Variants in MAP2K6 observed in about 807,000 individuals in gnomAD.
MAP2K6 encodes dual specificity mitogen-activated protein kinase kinase 6.
In MAP2K6, 16 loss-of-function variants were observed where a neutral mutation model predicts 53.7. The ratio of observed to expected loss-of-function variants is 0.30; its 90% CI spans 0.20 to 0.45. The LOEUF (loss-of-function observed/expected upper bound fraction) is 0.45. Among genes scored for constraint, MAP2K6 ranks in the 20% least tolerant of loss-of-function variants. The probability of loss-of-function intolerance (pLI) is 1.00; values close to 1 mark genes in which losing one functional copy is unlikely to be tolerated. For missense variants in MAP2K6, 204 were observed against 411.9 expected, an observed-to-expected ratio of 0.50 and a Z score of 4.37; for synonymous variants, 132 against 143.1, an observed-to-expected ratio of 0.92 and a Z score of 0.55.
At chr17:69,531,039 T>C (rs1335571219) in intron 10 of MAP2K6, among the ~76,000 whole-genome samples, 1 of 152,002 alleles carries the variant, frequency 6.6e-6, no homozygotes, top group South Asian at 2.1e-4. Context: ...TATTGAGACA[T>C]AACTTCATTA....
At chr17:69,474,054 T>G (rs916836618) in intron 1 of MAP2K6, among the ~76,000 whole-genome samples, 17 of 152,270 alleles carry the variant, frequency 1.1e-4, no homozygotes, top group African/African-American at 4.1e-4. Context: ...TCAGTTAATT[T>G]TAATTTTAAG....
intron 10 of MAP2K6, among the ~76,000 whole-genome samples, chr17:69,529,864 A>G (rs1271418462): frequency 1.3e-5 from 2 of 152,154 alleles, no homozygotes; most frequent in Non-Finnish European, 2.9e-5. Context: ...AGATACCGGC[A>G]TCATTGCTCT....
At chr17:69,529,545 C>G (rs1910969478) in intron 10 of MAP2K6, among the ~76,000 whole-genome samples, 1 of 121,806 alleles carries the variant, frequency 8.2e-6, no homozygotes, top group Non-Finnish European at 1.6e-5. Flanking sequence ...GAGTTTTGCT[C>G]TGCCACCCAG....
intron 1 of MAP2K6, among the ~76,000 whole-genome samples, chr17:69,467,923 G>A (rs1907867812): frequency 6.6e-6 from 1 of 151,756 alleles, no homozygotes; most frequent in African/African-American, 2.4e-5. Flanking sequence ...GTGCCACCAC[G>A]CCCAGCTAAT....
chr17:69,539,190 G>A (rs1911495663), intron 11 of MAP2K6, among the ~76,000 whole-genome samples: 1 of 152,192 alleles, frequency 6.6e-6, no homozygotes, highest in Non-Finnish European at 1.5e-5. Context: ...AAGGGATGAG[G>A]TGCTGTGCAT....
intron 1 of MAP2K6, among the ~76,000 whole-genome samples, chr17:69,423,751 C>T (rs987974003): frequency 2.6e-5 from 4 of 152,148 alleles, no homozygotes; most frequent in African/African-American, 9.7e-5. Flanking sequence ...TTGTGTTCTT[C>T]CTGTTTGCTT....
At position 69,418,294 on chromosome 17, in the gene MAP2K6, G is replaced by C. The variant is rs552710008; in HGVS notation, c.16+3294G>C. Among the ~76,000 whole-genome samples the C allele has an allele frequency of 3.3e-5, 5 of 152,062 alleles. No individual in the cohort carries two copies. In the South Asian group the frequency reaches 6.2e-4, roughly 19 times the overall value. ...TAGGGGGCTTCAGGGGTCTCTGGTTGGTAAATTTAATGTTGGAGAAAAGAG... is the reference window on the plus strand; with the variant it reads ...TAGGGGGCTTCAGGGGTCTCTGGTTCGTAAATTTAATGTTGGAGAAAAGAG... On this transcript the variant is annotated intron_variant, in intron 1 of 11. Coordinates refer to ENST00000590474, the MANE Select transcript of MAP2K6 (RefSeq NM_002758.4).
intron 1 of MAP2K6, chr17:69,433,932 G>A (rs1050136348): frequency 1.3e-5 from 2 of 152,312 alleles, no homozygotes; most frequent in Non-Finnish European, 2.9e-5. Flanking sequence ...AGGCCTTGCA[G>A]TTGAGGAGGC....
At chr17:69,524,820 C>T (rs2144831920) in intron 8 of MAP2K6, 81 bp from the exon 9 acceptor site, 2 of 1,040,448 alleles carry the variant, frequency 1.9e-6, no homozygotes, top group South Asian at 1.3e-5. Context: ...GCTGGTGCTA[C>T]CCCCATCCCC....
At chr17:69,464,949 T>C (rs562935230) in intron 1 of MAP2K6, among the ~76,000 whole-genome samples, 47 of 151,908 alleles carry the variant, frequency 3.1e-4, no homozygotes, top group Non-Finnish European at 5.7e-4. Flanking sequence ...CTCCTGACCT[T>C]GTGATCCCTC....
At chr17:69,472,274 A>T (rs1179686436) in intron 1 of MAP2K6, among the ~76,000 whole-genome samples, 1 of 152,196 alleles carries the variant, frequency 6.6e-6, no homozygotes, top group Non-Finnish European at 1.5e-5. Flanking sequence ...CCGAATCTAA[A>T]AAAAAAGTTT....
intron 1 of MAP2K6, among the ~76,000 whole-genome samples, chr17:69,493,235 G>A (rs890030014): frequency 1.3e-5 from 2 of 151,916 alleles, no homozygotes; most frequent in African/African-American, 4.8e-5. Context: ...TTATGAAAAT[G>A]CAGAGAACAT....
chr17:69,510,838 C>CAAA, intron 2 of MAP2K6, among the ~76,000 whole-genome samples: 1 of 148,902 alleles, frequency 6.7e-6, no homozygotes, highest in East Asian at 2.0e-4. Flanking sequence ...TTTGTGTCTT[C>CAAA]TTTTGTTAAA....
chr17:69,532,086 C>G (rs1911110981), intron 10 of MAP2K6, among the ~76,000 whole-genome samples: 1 of 152,138 alleles, frequency 6.6e-6, no homozygotes, highest in South Asian at 2.1e-4. Flanking sequence ...GCCCAACTGA[C>G]CAGTCTGATG....
At chr17:69,469,460 A>G (rs926898558) in intron 1 of MAP2K6, among the ~76,000 whole-genome samples, 1 of 152,166 alleles carries the variant, frequency 6.6e-6, no homozygotes, top group African/African-American at 2.4e-5. Context: ...GGTAGAGTCA[A>G]ATGAGAAAAG....
rs768397252 is a variant in MAP2K6, at chr17:69,519,294, T to G, written c.247-19T>G. 1.2e-6 allele frequency: 2 copies of G among 1,610,816 alleles called. No individual in the cohort carries two copies. Among genetic ancestry groups the G allele is most frequent in the Non-Finnish European group, 1.7e-6 (2 of 1,178,506 alleles). ...TCCTCAGAGTAGTAACCATAAATTT[T>G]CCATGCATTTCCATTCAGCGGATCC... On this transcript the variant is annotated intron_variant, in intron 4 of 11. Transcript: ENST00000590474.
chr17:69,526,100 T>C (rs1419562008), intron 9 of MAP2K6, among the ~76,000 whole-genome samples: 1 of 152,138 alleles, frequency 6.6e-6, no homozygotes, highest in African/African-American at 2.4e-5. Context: ...AGTGGCCTTT[T>C]CTCAAGTCCA....
intron 10 of MAP2K6, among the ~76,000 whole-genome samples, chr17:69,532,677 G>A (rs1598317153): frequency 6.6e-6 from 1 of 152,282 alleles, no homozygotes; most frequent in East Asian, 1.9e-4. Context: ...TGATTTAAAA[G>A]ATGGAGAGAA....
At chr17:69,471,463 C>G (rs967662550) in intron 1 of MAP2K6, among the ~76,000 whole-genome samples, 1 of 152,096 alleles carries the variant, frequency 6.6e-6, no homozygotes, top group Non-Finnish European at 1.5e-5. Context: ...TATGCTGGAG[C>G]TAAACAGTGC....
Sources: allele counts gnomAD v4.1 joint callset (sites outside exome capture counted in the v4.1 genomes callset), GRCh38; gene constraint gnomAD v4.1.1; transcripts MANE v1.5; gene names NCBI Gene and HGNC (gene_info 2026-07-23, HGNC 2026-07-21).